The following KAZN variants were observed in gnomAD, a reference collection of about 807,000 sequenced individuals.
The protein encoded by KAZN is kazrin.
In KAZN, 40 loss-of-function variants were observed where a neutral mutation model predicts 87.4. The ratio of observed to expected loss-of-function variants is 0.46; its 90% CI spans 0.36 to 0.60. The LOEUF is 0.60. Among genes scored for constraint, KAZN ranks in the 20% least tolerant of loss-of-function variants. The pLI, the probability that KAZN is intolerant of heterozygous loss-of-function variation, is 0.00. For synonymous variants in KAZN, 466 were observed against 458.3 expected (o/e 1.02, Z -0.22); for missense variants, 898 against 1,073.9 (o/e 0.84, Z 2.29).
chr1:14,868,877 A>T (rs1158788995), intron 1 of KAZN, among the ~76,000 whole-genome samples: 1 of 151,770 alleles, frequency 6.6e-6, no homozygotes, highest in Admixed American at 6.6e-5. Flanking sequence ...AAATAATAAT[A>T]AATAATCCGA....
chr1:14,865,395 G>A (rs1651335461), intron 1 of KAZN, among the ~76,000 whole-genome samples: 1 of 152,192 alleles, frequency 6.6e-6, no homozygotes. Flanking sequence ...TAGCAGAGAT[G>A]ACAGATCTTC....
At chr1:14,328,595 C>T (rs554374173) in intron 2 of KAZN, among the ~76,000 whole-genome samples, 15 of 151,798 alleles carry the variant, frequency 9.9e-5, no homozygotes, top group Admixed American at 1.3e-4. Flanking sequence ...CCCAGCTACT[C>T]GGGAGGCTGA....
At chr1:14,001,897 C>T (rs1184649689) in intron 1 of KAZN, among the ~76,000 whole-genome samples, 1 of 152,092 alleles carries the variant, frequency 6.6e-6, no homozygotes, top group East Asian at 1.9e-4. Flanking sequence ...CCATAAAATC[C>T]CTAAAAGAAA....
At chr1:14,823,680 G>T (rs1346550671) in intron 1 of KAZN, among the ~76,000 whole-genome samples, 1 of 152,168 alleles carries the variant, frequency 6.6e-6, no homozygotes, top group African/African-American at 2.4e-5. Context: ...GAAAGCTTGG[G>T]AGTGGGAGGG....
chr1:14,883,355 A>AGAGAGAGAGAG lies in KAZN; in HGVS notation c.227-77329_227-77328insGAGAGAGAGAG, dbSNP rs1553150619. ...GAGAGAGAGAGAGAAAGAAAGAAAGAAAAGAAAGAAAGAAAGAAAGAAAGA... is the reference window on the plus strand; with the variant it reads ...GAGAGAGAGAGAGAAAGAAAGAAAGAGAGAGAGAGAGAAAGAAAGAAAGAAAGAAAGAAAGA... On this transcript the variant is annotated intron_variant, in intron 1 of 14. Coordinates refer to ENST00000376030, the MANE Select transcript of KAZN (RefSeq NM_201628.3). Among the ~76,000 whole-genome samples the AGAGAGAGAGAG allele has an allele frequency of 4.1e-3, 84 of 20,608 alleles. 11 individuals are homozygous for AGAGAGAGAGAG. The highest frequency in any genetic ancestry group is 0.01 in the South Asian group (3 of 294). The allele number at this position is 20,608 out of a possible 152,430, so 13.5% of individuals were successfully genotyped here.
chr1:15,063,613 T>A lies in KAZN; in HGVS notation c.1089T>A (p.Pro363=), dbSNP rs1379633192. 6.2e-7 allele frequency: 1 copy of A among 1,613,468 alleles called. No homozygotes were observed. Among genetic ancestry groups the A allele is most frequent in the Non-Finnish European group, 8.5e-7 (1 of 1,179,406 alleles). The change falls in exon 7 of 15, where the codon CCT becomes CCA. Residue 363 remains proline, a synonymous_variant. Coordinates refer to ENST00000376030, the MANE Select transcript of KAZN (RefSeq NM_201628.3). ...PGPVQKNLHN[P]IVQSLEDLED... ...CAGTTCAGAAGAACCTGCACAACCC[T>A]ATTGTACAGGTAGGTGTGCCCTCCC... is the stretch of plus-strand genomic sequence containing the variant.
chr1:13,966,697 G>A (rs1641958218), intron 1 of KAZN, among the ~76,000 whole-genome samples: 1 of 152,218 alleles, frequency 6.6e-6, no homozygotes, highest in Non-Finnish European at 1.5e-5. Context: ...GTTGAGATGT[G>A]CCGTAAGTGT....
chr1:14,834,613 A>G (rs1647165163), intron 1 of KAZN, among the ~76,000 whole-genome samples: 1 of 151,746 alleles, frequency 6.6e-6, no homozygotes, highest in Admixed American at 6.6e-5. Context: ...CACCTGCCTC[A>G]GCCTCCCAAA....
chr1:15,015,704 CA>C (rs557864110), intron 2 of KAZN, among the ~76,000 whole-genome samples: 25 of 152,286 alleles, frequency 1.6e-4, no homozygotes, highest in Admixed American at 5.9e-4. Flanking sequence ...GTCTGCTCCA[CA>C]GGTCCTTCTA....
Position 14,478,260 on chromosome 1 carries a change from A to AGGAAGGAT in KAZN, c.250-120716_250-120715insTGGAAGGA, listed in dbSNP as rs1389062729. ...AGGAAGGAAGGAAAAGAAGGAAGGA[A>AGGAAGGAT]GGAAGGAAGGAAGAAAGGAAGGAAG... On this transcript the variant is annotated intron_variant, in intron 2 of 16. Coordinates refer to the KAZN transcript ENST00000636203. Among the ~76,000 whole-genome samples the AGGAAGGAT allele has an allele frequency of 2.1e-5, 3 of 145,462 alleles. No homozygotes were observed. The South Asian group carries it at 6.5e-4, about 32-fold the overall frequency.
chr1:14,251,517 A>G (rs1650026982), intron 2 of KAZN, among the ~76,000 whole-genome samples: 1 of 151,950 alleles, frequency 6.6e-6, no homozygotes, highest in Admixed American at 6.6e-5. Flanking sequence ...TCTGGGAGGG[A>G]GGAAAGAGAG....
At chr1:14,515,297 A>G (rs993340225) in intron 2 of KAZN, among the ~76,000 whole-genome samples, 2 of 152,208 alleles carry the variant, frequency 1.3e-5, no homozygotes, top group Non-Finnish European at 2.9e-5. Flanking sequence ...AACTTGTCCA[A>G]TGTTCCTCAG....
chr1:13,967,668 G>A (rs1221057779), intron 1 of KAZN, among the ~76,000 whole-genome samples: 1 of 152,210 alleles, frequency 6.6e-6, no homozygotes, highest in Non-Finnish European at 1.5e-5. Context: ...TGACAGAGTA[G>A]GAGAAGTGCC....
At chr1:14,722,374 G>T (rs1200339863) in intron 1 of KAZN, among the ~76,000 whole-genome samples, 1 of 152,014 alleles carries the variant, frequency 6.6e-6, no homozygotes, top group Non-Finnish European at 1.5e-5. Context: ...AGCATTCTCA[G>T]GTCATTAAGT....
chr1:14,539,220 A>G (rs890583353), intron 2 of KAZN, among the ~76,000 whole-genome samples: 1 of 152,214 alleles, frequency 6.6e-6, no homozygotes, highest in Non-Finnish European at 1.5e-5. Flanking sequence ...GAAGAATTAC[A>G]TAAGTCCCAT....
intron 1 of KAZN, among the ~76,000 whole-genome samples, chr1:13,993,949 TG>T (rs1639398344): frequency 6.6e-6 from 1 of 152,252 alleles, no homozygotes; most frequent in South Asian, 2.1e-4. Flanking sequence ...GGAGCCATTT[TG>T]TTTTACAAAT....
chr1:14,003,232 G>A (rs537331186), intron 1 of KAZN, among the ~76,000 whole-genome samples: 23 of 151,236 alleles, frequency 1.5e-4, no homozygotes, highest in Non-Finnish European at 2.8e-4. Flanking sequence ...AGGGAACTTA[G>A]AGGGTGGGTC....
intron 2 of KAZN, among the ~76,000 whole-genome samples, chr1:14,994,713 A>G (rs1667701863): frequency 6.6e-6 from 1 of 152,216 alleles, no homozygotes; most frequent in Non-Finnish European, 1.5e-5. Context: ...TGTCTGGTTC[A>G]AATCCTGACT....
intron 2 of KAZN, among the ~76,000 whole-genome samples, chr1:14,293,461 A>C (rs1358008630): frequency 2.0e-5 from 3 of 152,128 alleles, no homozygotes; most frequent in Admixed American, 6.5e-5. Flanking sequence ...CATTCTAATC[A>C]ATCAAGTTTG....
Sources: allele counts gnomAD v4.1 joint callset (sites outside exome capture counted in the v4.1 genomes callset), GRCh38; gene constraint gnomAD v4.1.1; transcripts MANE v1.5; gene names NCBI Gene and HGNC (gene_info 2026-07-23, HGNC 2026-07-21).